FKBP5: variants seen among roughly 807,000 people sequenced by gnomAD.
The protein encoded by FKBP5 is FKBP prolyl isomerase 5.
In FKBP5, 23 loss-of-function variants were observed where a neutral mutation model predicts 50.5. The observed-to-expected ratio is 0.46, with a 90% CI of 0.33 to 0.65. The LOEUF is 0.65. Ranked by LOEUF, FKBP5 falls within the 30% of genes least tolerant of loss-of-function variation. The pLI is 0.02. For missense variants in FKBP5, 411 were observed against 553.1 expected, an observed-to-expected ratio of 0.74 and a Z score of 2.58; for synonymous variants, 176 against 190.6, an observed-to-expected ratio of 0.92 and a Z score of 0.63.
intron 9 of FKBP5, among the ~76,000 whole-genome samples, chr6:35,578,538 G>A (rs368555316): frequency 9.9e-5 from 15 of 152,164 alleles, no homozygotes; most frequent in African/African-American, 3.4e-4. Flanking sequence ...GGAAGCTGAG[G>A]TGGCAAATCA....
intron 2 of FKBP5, among the ~76,000 whole-genome samples, chr6:35,706,880 A>G (rs944545910): frequency 6.6e-6 from 1 of 152,232 alleles, no homozygotes; most frequent in African/African-American, 2.4e-5. Context: ...CAACAATTTA[A>G]AAGAATATGG....
intron 3 of FKBP5, among the ~76,000 whole-genome samples, chr6:35,626,989 T>C (rs941162281): frequency 1.3e-5 from 2 of 152,226 alleles, no homozygotes; most frequent in African/African-American, 2.4e-5. Flanking sequence ...GTTGGTTATA[T>C]GCCCACAAGT....
intron 2 of FKBP5, among the ~76,000 whole-genome samples, chr6:35,638,317 A>G (rs770941470): frequency 5.3e-5 from 8 of 152,196 alleles, no homozygotes; most frequent in East Asian, 1.9e-4. Context: ...ATTTGCTCCT[A>G]AATTCTTTTT....
At chr6:35,649,335 GTCTT>G (rs1764721940) in intron 1 of FKBP5, among the ~76,000 whole-genome samples, 1 of 150,294 alleles carries the variant, frequency 6.7e-6, no homozygotes, top group South Asian at 2.1e-4. Flanking sequence ...TTAGCACTAA[GTCTT>G]TATTTTGTAG....
chr6:35,658,669 GGTT>G, intron 1 of FKBP5, among the ~76,000 whole-genome samples: 1 of 88,190 alleles, frequency 1.1e-5, no homozygotes, highest in African/African-American at 3.5e-5. Flanking sequence ...ACATGACATT[GGTT>G]TTCAAATGTT....
chr6:35,709,250 G>T (rs4711426), intron 2 of FKBP5, among the ~76,000 whole-genome samples: 109,648 of 152,070 alleles, frequency 0.72, 39,592 homozygotes, highest in African/African-American at 0.77. Context: ...ATTGGATCTC[G>T]TGAGACTTAT....
upstream of FKBP5, among the ~76,000 whole-genome samples, chr6:35,689,393 G>A (rs1561897132): frequency 1.3e-5 from 2 of 152,148 alleles, no homozygotes; most frequent in South Asian, 2.1e-4. Flanking sequence ...TTAAGTCTAA[G>A]ATGCCCAGTC....
At chr6:35,583,716 T>C in intron 8 of FKBP5, 1 of 949,364 alleles carries the variant, frequency 1.1e-6, no homozygotes, top group Non-Finnish European at 1.3e-6. Flanking sequence ...CCCCACACAA[T>C]CAAGAATTAT....
chr6:35,675,584 A>G (rs1051849522), intron 1 of FKBP5, among the ~76,000 whole-genome samples: 7 of 152,164 alleles, frequency 4.6e-5, no homozygotes, highest in Non-Finnish European at 7.3e-5. Context: ...AAACAAGTCT[A>G]TACCATACTC....
At chr6:35,713,077 TAAAAAAA>T (rs34258638) in intron 2 of FKBP5, among the ~76,000 whole-genome samples, 1 of 52,948 alleles carries the variant, frequency 1.9e-5, no homozygotes, top group Non-Finnish European at 3.2e-5. Flanking sequence ...ATCTGGTCTC[TAAAAAAA>T]AAAAAAAAAA....
chr6:35,612,889 C>G (rs1763532804), intron 5 of FKBP5, among the ~76,000 whole-genome samples: 1 of 152,222 alleles, frequency 6.6e-6, no homozygotes, highest in African/African-American at 2.4e-5. Context: ...GGTAGGCACA[C>G]AGCCAAACCG....
intron 2 of FKBP5, among the ~76,000 whole-genome samples, chr6:35,715,871 G>T (rs1766503047): frequency 6.6e-6 from 1 of 152,226 alleles, no homozygotes; most frequent in Admixed American, 6.5e-5. Context: ...CTGAAGATGG[G>T]ATCCTTCCAG....
chr6:35,585,063 A>G, intron 8 of FKBP5: 1 of 985,444 alleles, frequency 1.0e-6, no homozygotes, highest in Non-Finnish European at 1.2e-6. Flanking sequence ...ATTCTGTATC[A>G]TAGCACCGAT....
At chr6:35,675,272 G>T (rs1021754147) in intron 1 of FKBP5, among the ~76,000 whole-genome samples, 1 of 152,254 alleles carries the variant, frequency 6.6e-6, no homozygotes, top group South Asian at 2.1e-4. Flanking sequence ...TCTAGGCTGG[G>T]TGTGGTGGCT....
At chr6:35,683,114 ACGTATATG>A (rs1561893250) in intron 1 of FKBP5, among the ~76,000 whole-genome samples, 5 of 108,732 alleles carry the variant, frequency 4.6e-5, no homozygotes, top group Non-Finnish European at 9.6e-5. Flanking sequence ...GTATATATAT[ACGTATATG>A]TGTGTGTGTG....
intron 2 of FKBP5, among the ~76,000 whole-genome samples, chr6:35,709,378 T>C (rs1290067109): frequency 2.6e-5 from 4 of 152,190 alleles, no homozygotes; most frequent in Non-Finnish European, 5.9e-5. Context: ...AATTGTTAAA[T>C]GCAAAAGCAA....
At chr6:35,620,091 T>C (rs778464998) in intron 4 of FKBP5, 41 bp downstream of exon 4, 47 of 1,613,286 alleles carry the variant, frequency 2.9e-5, no homozygotes, top group Non-Finnish European at 3.8e-5. Context: ...ATTCCTATTG[T>C]AGAGCAGATG....
At chr6:35,668,458 A>C (rs548407620) in intron 1 of FKBP5, among the ~76,000 whole-genome samples, 142 of 152,380 alleles carry the variant, frequency 9.3e-4, no homozygotes, top group African/African-American at 3.3e-3. Context: ...GAAACTATTA[A>C]ATTGATTATA....
At position 35,574,064 on chromosome 6, in the gene FKBP5, T is replaced by A. The variant is rs528789855; in HGVS notation, c.*1771A>T. The stretch of plus-strand genomic sequence containing the variant: ...AGTTTAGCAAGTAAGCAAAATCAGC[T>A]TTTGCTCTTCATATTTCGTAGGTGA... On this transcript the variant is annotated 3_prime_UTR_variant, in exon 11 of 11. Coordinates refer to ENST00000357266, the MANE Select transcript of FKBP5 (RefSeq NM_004117.4). 2.0e-5 allele frequency: 3 copies of A among 152,312 alleles called. No individual in the cohort carries two copies. Among genetic ancestry groups the A allele is most frequent in the South Asian group, 4.1e-4 (2 of 4,826 alleles). The allele number at this position is 152,312 out of a possible 1,614,324, so 9.4% of individuals were successfully genotyped here.
Sources: gnomAD v4.1 joint callset for allele counts (sites outside exome capture counted in the v4.1 genomes callset) on GRCh38, gnomAD v4.1.1 for gene constraint, MANE v1.5 for transcripts, NCBI Gene and HGNC (gene_info 2026-07-23, HGNC 2026-07-21) for gene names.